UNC13C: variants seen among roughly 807,000 people sequenced by gnomAD.
UNC13C encodes the protein unc-13 homolog C.
In UNC13C, 174 loss-of-function variants were observed where a neutral mutation model predicts 245.4. The observed-to-expected ratio is 0.71, with a 90% CI of 0.63 to 0.80. The LOEUF is 0.80. Among genes scored for constraint, UNC13C ranks in the 30% least tolerant of loss-of-function variants. The pLI is 0.00. For synonymous variants in UNC13C, 992 were observed against 895.1 expected (o/e 1.11, Z -1.93); for missense variants, 2,829 against 2,602.9 (o/e 1.09, Z -1.89).
intron 4 of UNC13C, among the ~76,000 whole-genome samples, chr15:54,200,714 A>G (rs966460950): frequency 2.0e-5 from 3 of 152,190 alleles, no homozygotes; most frequent in East Asian, 1.9e-4. Context: ...GCCAACATCA[A>G]GAGTCTGAAA....
chr15:54,130,010 C>T (rs1000590264), intron 2 of UNC13C, among the ~76,000 whole-genome samples: 3 of 150,182 alleles, frequency 2.0e-5, no homozygotes. Context: ...AACCTTTCTT[C>T]TGTTACATTA....
chr15:54,633,412 TC>T (rs1468987540), downstream of UNC13C: 10 of 152,158 alleles, frequency 6.6e-5, no homozygotes, highest in Admixed American at 5.2e-4. Flanking sequence ...AAATTCAAAA[TC>T]CAATTGTTTA....
intron 4 of UNC13C, among the ~76,000 whole-genome samples, chr15:54,180,470 A>C (rs949445518): frequency 6.6e-6 from 1 of 152,028 alleles, no homozygotes; most frequent in African/African-American, 2.4e-5. Flanking sequence ...ATGAGAGTGC[A>C]TTTGTATTTT....
intron 11 of UNC13C, among the ~76,000 whole-genome samples, chr15:54,296,453 C>G (rs534228702): frequency 6.7e-6 from 1 of 150,180 alleles, no homozygotes; most frequent in Non-Finnish European, 1.5e-5. Context: ...CTCCTGACCT[C>G]GTGATCCTCC....
chr15:53,927,057 A>G, the UNC13C span, among the ~76,000 whole-genome samples: 3 of 152,220 alleles, frequency 2.0e-5, no homozygotes, highest in African/African-American at 7.2e-5. Context: ...TCTATATTCC[A>G]GGCACTGTTC....
At chr15:54,319,524 T>A (rs1210739836) in intron 13 of UNC13C, among the ~76,000 whole-genome samples, 1 of 151,944 alleles carries the variant, frequency 6.6e-6, no homozygotes, top group African/African-American at 2.4e-5. Flanking sequence ...TCACATAGCA[T>A]AAATTTTTAT....
chr15:54,013,259 A>G lies in UNC13C; in HGVS notation c.356A>G (p.Glu119Gly). ...AGTGATAATGAGGATCTGCTTCAAG[A>G]GCTCTCTTCAATCGAGAGTTCCTAC... ...TNSDNEDLLQ[E>G]LSSIESSYSE... Residue 119 changes from glutamate to glycine, a missense_variant, in exon 2 of 33, where the codon GAG (glutamate) becomes GGG (glycine). Transcript: ENST00000260323. 1 of 1,613,770 alleles carries G rather than the reference A, an allele frequency of 6.2e-7. No homozygotes were observed. Among genetic ancestry groups the G allele is most frequent in the Non-Finnish European group, 8.5e-7 (1 of 1,179,816 alleles).
chr15:54,030,858 GC>G (rs1373187763), intron 2 of UNC13C, among the ~76,000 whole-genome samples: 4 of 152,076 alleles, frequency 2.6e-5, no homozygotes, highest in Non-Finnish European at 5.9e-5. Flanking sequence ...TTTTATAAGA[GC>G]CCAAAATCCT....
At chr15:54,621,995 A>G (rs1484304101) in intron 30 of UNC13C, among the ~76,000 whole-genome samples, 1 of 152,132 alleles carries the variant, frequency 6.6e-6, no homozygotes, top group African/African-American at 2.4e-5. Context: ...ATAAAAAGCA[A>G]TGGTGCATCC....
intron 29 of UNC13C, among the ~76,000 whole-genome samples, chr15:54,565,937 C>T (rs1381633331): frequency 6.6e-6 from 1 of 151,984 alleles, no homozygotes; most frequent in African/African-American, 2.4e-5. Flanking sequence ...CCTTCCCTCT[C>T]TTCCTCCTCC....
intron 7 of UNC13C, 44 bp downstream of exon 7, chr15:54,237,734 C>G: frequency 2.1e-6 from 3 of 1,431,468 alleles, no homozygotes; most frequent in South Asian, 1.2e-5. Context: ...AGATATTGCT[C>G]ATAATCACAA....
intron 20 of UNC13C, among the ~76,000 whole-genome samples, chr15:54,496,736 T>C (rs935374768): frequency 6.6e-6 from 1 of 151,760 alleles, no homozygotes; most frequent in African/African-American, 2.4e-5. Context: ...AAACATTATA[T>C]GTTTTCACTC....
At chr15:53,929,171 C>A in the UNC13C span, among the ~76,000 whole-genome samples, 78 of 152,232 alleles carry the variant, frequency 5.1e-4, no homozygotes, top group African/African-American at 1.8e-3. Context: ...GGCAAGAGAG[C>A]TTGTGTAGGG....
intron 17 of UNC13C, among the ~76,000 whole-genome samples, chr15:54,361,138 A>G (rs2039221299): frequency 6.6e-6 from 1 of 152,084 alleles, no homozygotes; most frequent in Admixed American, 6.6e-5. Context: ...TAATTCTCAT[A>G]GGACTTCTTT....
intron 11 of UNC13C, among the ~76,000 whole-genome samples, chr15:54,294,661 A>T (rs1220685786): frequency 6.6e-6 from 1 of 152,096 alleles, no homozygotes; most frequent in Non-Finnish European, 1.5e-5. Context: ...AAATAATAAC[A>T]TAGAATTTTC....
At chr15:53,924,790 C>G in the UNC13C span, among the ~76,000 whole-genome samples, 1 of 152,162 alleles carries the variant, frequency 6.6e-6, no homozygotes. Context: ...TCATTTTGAA[C>G]ACAAAATTCA....
At chr15:54,374,565 G>T (rs769274275) in intron 17 of UNC13C, among the ~76,000 whole-genome samples, 6 of 152,212 alleles carry the variant, frequency 3.9e-5, no homozygotes, top group Non-Finnish European at 8.8e-5. Flanking sequence ...GCAGGAAGAG[G>T]CCAGGCAGCA....
intron 2 of UNC13C, among the ~76,000 whole-genome samples, chr15:54,070,228 C>G (rs553615442): frequency 9.9e-5 from 15 of 152,186 alleles, no homozygotes; most frequent in African/African-American, 3.6e-4. Context: ...TTTCATTAAG[C>G]CCTTGCTGTG....
At chr15:54,600,211 C>CCAA in intron 30 of UNC13C, among the ~76,000 whole-genome samples, 1 of 152,014 alleles carries the variant, frequency 6.6e-6, no homozygotes, top group South Asian at 2.1e-4. Flanking sequence ...TGTGTCAGAA[C>CCAA]GTGGTAGGCC....
Sources: allele counts gnomAD v4.1 joint callset (sites outside exome capture counted in the v4.1 genomes callset), GRCh38; gene constraint gnomAD v4.1.1; transcripts MANE v1.5; gene names NCBI Gene and HGNC (gene_info 2026-07-23, HGNC 2026-07-21).